RGS21: variants seen among roughly 807,000 people sequenced by gnomAD.
RGS21 encodes the protein regulator of G-protein signalling 21.
Under a neutral mutation model 18.7 loss-of-function variants are expected in RGS21, and 19 were observed. The observed-to-expected ratio is 1.01, with a 90% CI of 0.71 to 1.49. RGS21 has a LOEUF of 1.49. Among genes scored for constraint, RGS21 ranks in the 40% most tolerant of loss-of-function variants. The pLI, the probability that RGS21 is intolerant of heterozygous loss-of-function variation, is 0.00. For synonymous variants in RGS21, 56 were observed against 57.8 expected (o/e 0.97, Z 0.14); for missense variants, 194 against 176.8 (o/e 1.10, Z -0.55).
chr1:192,341,783 C>A (rs1658865589), intron 1 of RGS21, among the ~76,000 whole-genome samples: 2 of 148,146 alleles, frequency 1.4e-5, no homozygotes, highest in South Asian at 2.1e-4. Flanking sequence ...TTTTTTTTAA[C>A]CAAGAGGGTC....
At chr1:192,321,597 G>C (rs1363512154) in intron 1 of RGS21, among the ~76,000 whole-genome samples, 1 of 151,836 alleles carries the variant, frequency 6.6e-6, no homozygotes, top group Non-Finnish European at 1.5e-5. Flanking sequence ...ATAAAAAGGA[G>C]CTAATTCTTA....
chr1:192,335,095 T>A (rs1490667525), intron 1 of RGS21, among the ~76,000 whole-genome samples: 1 of 152,152 alleles, frequency 6.6e-6, no homozygotes, highest in African/African-American at 2.4e-5. Flanking sequence ...CTAAAAAAAA[T>A]CATTTCATGG....
chr1:192,350,859 G>A (rs1659030899), intron 3 of RGS21, among the ~76,000 whole-genome samples: 1 of 152,076 alleles, frequency 6.6e-6, no homozygotes, highest in South Asian at 2.1e-4. Context: ...ATTTTGATGA[G>A]GAAAATAGAG....
intron 1 of RGS21, among the ~76,000 whole-genome samples, chr1:192,335,104 G>C (rs1658749012): frequency 6.6e-6 from 1 of 152,018 alleles, no homozygotes; most frequent in South Asian, 2.1e-4. Flanking sequence ...ATCATTTCAT[G>C]GGTCATCAGG....
chr1:192,364,438 TG>T (rs1350919605), intron 4 of RGS21, among the ~76,000 whole-genome samples: 3 of 152,192 alleles, frequency 2.0e-5, no homozygotes, highest in African/African-American at 7.2e-5. Context: ...TAAAATAGTT[TG>T]GTATTCTTGT....
intron 4 of RGS21, among the ~76,000 whole-genome samples, chr1:192,356,047 A>C (rs1394837777): frequency 6.6e-6 from 1 of 151,802 alleles, no homozygotes; most frequent in Non-Finnish European, 1.5e-5. Context: ...AAAACAGCAG[A>C]AAATGTTTAA....
chr1:192,348,075 G>A (rs887992213), intron 3 of RGS21, among the ~76,000 whole-genome samples: 2 of 150,236 alleles, frequency 1.3e-5, no homozygotes, highest in Non-Finnish European at 3.0e-5. Flanking sequence ...CTGGAGTGTA[G>A]AGTGTAGTGG....
In RGS21 at chr1:192,365,944, A is replaced by G; in HGVS notation, c.279A>G (p.Arg93=). The change falls in exon 5 of 5, where the codon AGA becomes AGG. Residue 93 remains arginine, a synonymous_variant. Transcript: ENST00000417209. ...PKEINIDFGT[R]DLISKNIAEP... ...AGATTAACATTGACTTCGGTACCAG[A>G]GACCTCATCTCAAAGAATATTGCTG... 2 of 1,606,366 alleles carry G rather than the reference A, an allele frequency of 1.2e-6. No individual in the cohort carries two copies. The highest frequency in any genetic ancestry group is 1.7e-4 in the Middle Eastern group (1 of 6,030).
At position 192,356,576 on chromosome 1, in the gene RGS21, A is replaced by C. The variant is rs1659115265; in HGVS notation, c.255+4363A>C. 2.0e-5 allele frequency among the ~76,000 whole-genome samples: 3 copies of C among 151,824 alleles called. No individual in the cohort carries two copies. The South Asian group carries it at 6.2e-4, about 31-fold the overall frequency. On this transcript the variant is annotated intron_variant, in intron 4 of 4. Transcript: ENST00000417209. ...TATGATGATTAAATACCAGTAAGAC[A>C]GCAGCATATTGAGATAAGACCTTCA... is the stretch of plus-strand genomic sequence containing the variant.
rs778798972 is a variant in RGS21, at chr1:192,342,990, C to G, written c.-47C>G. On this transcript the variant is annotated 5_prime_UTR_variant, in exon 2 of 5. Coordinates refer to ENST00000417209, the MANE Select transcript of RGS21 (RefSeq NM_001039152.3). ...CATTACCTTCAGCTTGAAGATCAGT[C>G]AGAAAGAGAAACTCGGCATCATCTG... The G allele has an allele frequency of 3.7e-6, 6 of 1,605,830 alleles. No homozygotes were observed. Among genetic ancestry groups the G allele is most frequent in the Non-Finnish European group, 5.1e-6 (6 of 1,172,756 alleles).
chr1:192,348,632 T>C (rs1022568179), intron 3 of RGS21, among the ~76,000 whole-genome samples: 2 of 152,140 alleles, frequency 1.3e-5, no homozygotes, highest in Non-Finnish European at 2.9e-5. Flanking sequence ...TAATAAAATA[T>C]CTTAGTTAAC....
rs78162494 is a variant in RGS21, at chr1:192,366,026, A to G, written c.361A>G (p.Lys121Glu). The G allele has an allele frequency of 1.2e-6, 2 of 1,610,464 alleles. No individual in the cohort carries two copies. The highest frequency in any genetic ancestry group is 1.7e-6 in the Non-Finnish European group (2 of 1,177,132). ...AQKLIYCLMA[K>E]DSFPRFLKSE... ...GAAATTAATCTATTGTCTCATGGCC[A>G]AGGATTCTTTCCCTCGATTTCTGAA... The change falls in exon 5 of 5, where the codon AAG (lysine) becomes GAG (glutamate). Residue 121 changes from lysine (K) to glutamate (E), a missense_variant. Lys to Glu is a moderately conservative substitution (Grantham distance 56). Coordinates refer to ENST00000417209, the MANE Select transcript of RGS21 (RefSeq NM_001039152.3).
chr1:192,340,060 T>C (rs1324721787), intron 1 of RGS21, among the ~76,000 whole-genome samples: 1 of 152,148 alleles, frequency 6.6e-6, no homozygotes, highest in Non-Finnish European at 1.5e-5. Flanking sequence ...ACTCTCATCA[T>C]GTTAATTCTC....
chr1:192,333,773 A>T (rs2102226209), intron 1 of RGS21, among the ~76,000 whole-genome samples: 1 of 152,008 alleles, frequency 6.6e-6, no homozygotes, highest in Non-Finnish European at 1.5e-5. Context: ...ATTGGTGGTT[A>T]TGTAAATCTA....
chr1:192,361,476 T>C (rs1331214490), intron 4 of RGS21, among the ~76,000 whole-genome samples: 2 of 152,204 alleles, frequency 1.3e-5, no homozygotes, highest in Non-Finnish European at 2.9e-5. Context: ...CTTTCTCTGA[T>C]AATCACATTG....
intron 1 of RGS21, among the ~76,000 whole-genome samples, chr1:192,339,331 C>T (rs1658818063): frequency 6.6e-6 from 1 of 151,834 alleles, no homozygotes; most frequent in African/African-American, 2.4e-5. Flanking sequence ...TTTTATCCTA[C>T]CTTTAATGAT....
At chr1:192,322,770 T>G (rs1658515199) in intron 1 of RGS21, among the ~76,000 whole-genome samples, 1 of 152,074 alleles carries the variant, frequency 6.6e-6, no homozygotes, top group African/African-American at 2.4e-5. Flanking sequence ...TGTCTTAAAC[T>G]AAGATTCTAA....
At chr1:192,341,656 T>G (rs1658863762) in intron 1 of RGS21, among the ~76,000 whole-genome samples, 1 of 152,128 alleles carries the variant, frequency 6.6e-6, no homozygotes, top group Admixed American at 6.6e-5. Context: ...AGAAAAAGCA[T>G]GCTTGCAATT....
rs571797446 is a variant in RGS21, at chr1:192,353,628, A to C, written c.255+1415A>C. ...TGTGTGAAAAATCTTCTAACACAAAATGTCATCTTTTAATTATAGCTGAAT... is the reference window on the plus strand; with the variant it reads ...TGTGTGAAAAATCTTCTAACACAAACTGTCATCTTTTAATTATAGCTGAAT... On this transcript the variant is annotated intron_variant, in intron 4 of 4. Transcript: ENST00000417209. Among the ~76,000 whole-genome samples, 9 of 151,898 alleles carry C rather than the reference A, an allele frequency of 5.9e-5. No individual in the cohort carries two copies. The South Asian group carries it at 1.9e-3, about 32-fold the overall frequency.
Sources: allele counts gnomAD v4.1 joint callset (sites outside exome capture counted in the v4.1 genomes callset), GRCh38; gene constraint gnomAD v4.1.1; transcripts MANE v1.5; gene names NCBI Gene and HGNC (gene_info 2026-07-23, HGNC 2026-07-21).